GRM3: variants seen among roughly 807,000 people sequenced by gnomAD.
The protein encoded by GRM3 is glutamate metabotropic receptor 3.
In GRM3, 26 loss-of-function variants were observed where a neutral mutation model predicts 70.5. The ratio of observed to expected loss-of-function variants is 0.37; its 90% CI spans 0.27 to 0.51. The LOEUF (loss-of-function observed/expected upper bound fraction) is 0.51, where lower values mean the gene tolerates loss of function less well. Among genes scored for constraint, GRM3 ranks in the 20% least tolerant of loss-of-function variants. GRM3 has a pLI of 0.93. For missense variants in GRM3, 859 were observed against 1,123.8 expected (o/e 0.76, Z 3.37); for synonymous variants, 443 against 434.9 (o/e 1.02, Z -0.23).
At chr7:86,752,542 A>T (rs1796254854) in intron 1 of GRM3, among the ~76,000 whole-genome samples, 1 of 152,058 alleles carries the variant, frequency 6.6e-6, no homozygotes, top group African/African-American at 2.4e-5. Flanking sequence ...GTGTTGGGAG[A>T]TTCCTACATT....
At chr7:86,780,865 T>A (rs1469269566) in intron 2 of GRM3, among the ~76,000 whole-genome samples, 1 of 152,156 alleles carries the variant, frequency 6.6e-6, no homozygotes, top group East Asian at 1.9e-4. Context: ...TTGGTCATGA[T>A]CCTCAAATAA....
chr7:86,685,165 A>C (rs752323355), intron 1 of GRM3, among the ~76,000 whole-genome samples: 1 of 152,208 alleles, frequency 6.6e-6, no homozygotes, highest in Non-Finnish European at 1.5e-5. Context: ...GAAATAGAAA[A>C]CAGTTAAAGA....
chr7:86,775,430 C>T (rs1455607283), intron 2 of GRM3, among the ~76,000 whole-genome samples: 1 of 151,930 alleles, frequency 6.6e-6, no homozygotes, highest in African/African-American at 2.4e-5. Flanking sequence ...TGACATCATC[C>T]CTAGCTTTCA....
At chr7:86,782,845 G>A (rs150264191) in intron 2 of GRM3, among the ~76,000 whole-genome samples, 1 of 152,230 alleles carries the variant, frequency 6.6e-6, no homozygotes, top group African/African-American at 2.4e-5. Flanking sequence ...CTTAATTTAT[G>A]TGAAGCATAT....
chr7:86,712,423 A>G (rs897314556), intron 1 of GRM3, among the ~76,000 whole-genome samples: 1 of 152,074 alleles, frequency 6.6e-6, no homozygotes, highest in African/African-American at 2.4e-5. Flanking sequence ...CATTCAAATA[A>G]TGTACAAAGA....
chr7:86,864,567 C>A lies in GRM3; in HGVS notation c.*212C>A. On this transcript the variant is annotated 3_prime_UTR_variant, in exon 6 of 6. Coordinates refer to ENST00000361669, the MANE Select transcript of GRM3 (RefSeq NM_000840.3). Reference sequence around the variant, plus strand: ...CCTATTATTAACAATTCCCCCAGAACATGGAAATAACCATTGTTTACAGAG... The same window carrying A: ...CCTATTATTAACAATTCCCCCAGAAAATGGAAATAACCATTGTTTACAGAG... 1 of 412,482 alleles carries A rather than the reference C, an allele frequency of 2.4e-6. No homozygotes were observed. The highest frequency in any genetic ancestry group is 4.4e-6 in the Non-Finnish European group (1 of 225,660). 25.6% of individuals were successfully genotyped at this position (412,482 alleles called of 1,614,324 possible).
chr7:86,676,008 T>C (rs1199188240), intron 1 of GRM3, among the ~76,000 whole-genome samples: 3 of 151,674 alleles, frequency 2.0e-5, no homozygotes, highest in African/African-American at 7.3e-5. Context: ...AATAAGGAAA[T>C]AAATATCAAA....
chr7:86,691,000 G>T (rs1794683162), intron 1 of GRM3, among the ~76,000 whole-genome samples: 1 of 151,954 alleles, frequency 6.6e-6, no homozygotes. Flanking sequence ...AATTAACATA[G>T]CCAAAACAGA....
In GRM3 at chr7:86,786,470, G is replaced by A. The variant is rs745376739; in HGVS notation, c.678G>A (p.Gly226=). Residue 226 remains glycine, a synonymous_variant, in exon 3 of 6, where the codon GGG becomes GGA. Coordinates refer to ENST00000361669, the MANE Select transcript of GRM3 (RefSeq NM_000840.3). This position sits in a 1 kb window ranked among gnomAD's most constrained non-coding sequence, Gnocchi z 6.0. ...CCGAGGGTGATTACGGGGAGACAGG[G>A]ATCGAGGCCTTCGAGCAGGAAGCCC... ...VASEGDYGET[G]IEAFEQEARL... 1 of 1,614,250 alleles carries A rather than the reference G, an allele frequency of 6.2e-7. No individual in the cohort carries two copies. The highest frequency in any genetic ancestry group is 1.1e-5 in the South Asian group (1 of 91,090).
intron 1 of GRM3, among the ~76,000 whole-genome samples, chr7:86,762,654 A>G (rs187100326): frequency 2.4e-4 from 36 of 152,276 alleles, no homozygotes; most frequent in Admixed American, 1.0e-3. Flanking sequence ...TGAACAAACT[A>G]CAACAGGAAT....
At chr7:86,810,706 T>C (rs1271958261) in intron 3 of GRM3, among the ~76,000 whole-genome samples, 1 of 151,948 alleles carries the variant, frequency 6.6e-6, no homozygotes, top group Non-Finnish European at 1.5e-5. Context: ...ATGTGAGGTC[T>C]GCCCCAAATG....
At chr7:86,716,322 G>T (rs763173795) in intron 1 of GRM3, among the ~76,000 whole-genome samples, 8 of 151,830 alleles carry the variant, frequency 5.3e-5, no homozygotes, top group Non-Finnish European at 1.2e-4. Flanking sequence ...GGAGAGAAGA[G>T]AAACAAACAT....
At chr7:86,815,647 C>T (rs367869654) in intron 3 of GRM3, among the ~76,000 whole-genome samples, 35 of 151,828 alleles carry the variant, frequency 2.3e-4, no homozygotes, top group African/African-American at 8.0e-4. Flanking sequence ...TTACTACACC[C>T]TTATAGATTA....
chr7:86,669,758 C>T (rs1446932546), intron 1 of GRM3, among the ~76,000 whole-genome samples: 1 of 152,288 alleles, frequency 6.6e-6, no homozygotes, highest in East Asian at 1.9e-4. Context: ...CTTCCTCAAA[C>T]TGCATATTCC....
intron 2 of GRM3, among the ~76,000 whole-genome samples, chr7:86,770,240 T>C (rs901709498): frequency 2.6e-5 from 4 of 152,146 alleles, no homozygotes; most frequent in African/African-American, 9.7e-5. Flanking sequence ...GTTTTGTCCC[T>C]GAGTGTTAAA....
chr7:86,795,847 AT>A (rs1358097921), intron 3 of GRM3, among the ~76,000 whole-genome samples: 1 of 152,156 alleles, frequency 6.6e-6, no homozygotes, highest in Non-Finnish European at 1.5e-5. Context: ...GGTTGATCTA[AT>A]TTACATTCCC....
Position 86,839,315 on chromosome 7 carries a change from CACA to C in GRM3, c.1808_1810del (p.Asn603del). ...CATGGTTGTAACTGTTTTTATCAAG[CACA>C]ACAACACACCCTTGGTCAAAGCATC... On this transcript the variant is annotated inframe_deletion, in exon 4 of 6. Coordinates refer to ENST00000361669, the MANE Select transcript of GRM3 (RefSeq NM_000840.3). This position sits in a 1 kb window ranked among gnomAD's most constrained non-coding sequence, Gnocchi z 4.5. 1 of 1,613,552 alleles carries C rather than the reference CACA, an allele frequency of 6.2e-7. No individual in the cohort carries two copies. The highest frequency in any genetic ancestry group is 8.5e-7 in the Non-Finnish European group (1 of 1,179,486).
chr7:86,717,732 G>T (rs1380962183), intron 1 of GRM3, among the ~76,000 whole-genome samples: 1 of 151,952 alleles, frequency 6.6e-6, no homozygotes, highest in Non-Finnish European at 1.5e-5. Context: ...ATAAGGGTTT[G>T]TCAAGGTTTA....
At chr7:86,850,179 C>G (rs551582241) in intron 4 of GRM3, among the ~76,000 whole-genome samples, 191 bp from the exon 5 acceptor site, 1 of 152,234 alleles carries the variant, frequency 6.6e-6, no homozygotes, top group African/African-American at 2.4e-5. Flanking sequence ...CTTGCAAATC[C>G]TAAGCAATAT....
Sources: gnomAD v4.1 joint callset for allele counts (sites outside exome capture counted in the v4.1 genomes callset) on GRCh38, gnomAD v4.1.1 for gene constraint, Gnocchi (gnomAD v3.1) non-coding constraint, MANE v1.5 for transcripts, NCBI Gene and HGNC (gene_info 2026-07-23, HGNC 2026-07-21) for gene names.